The following TFDP2 variants were observed in gnomAD, a reference collection of about 807,000 sequenced individuals.
TFDP2 encodes the protein transcription factor Dp-2 (E2F dimerization partner 2).
In TFDP2, 17 loss-of-function variants were observed where a neutral mutation model predicts 59.3. The observed-to-expected ratio is 0.29, with a 90% CI of 0.20 to 0.43. The LOEUF is 0.43. Among genes scored for constraint, TFDP2 ranks in the 20% least tolerant of loss-of-function variants. The pLI, the probability that TFDP2 is intolerant of heterozygous loss-of-function variation, is 1.00. For synonymous variants in TFDP2, 180 were observed against 194.7 expected (o/e 0.92, Z 0.63); for missense variants, 391 against 528.8 (o/e 0.74, Z 2.56).
chr3:142,026,108 G>C (rs543318214), intron 3 of TFDP2, among the ~76,000 whole-genome samples: 1 of 152,230 alleles, frequency 6.6e-6, no homozygotes, highest in East Asian at 1.9e-4. Flanking sequence ...TCGGGAGATC[G>C]AGACCATCAG....
chr3:142,116,428 T>G (rs1422432869), intron 1 of TFDP2, among the ~76,000 whole-genome samples: 2 of 152,130 alleles, frequency 1.3e-5, no homozygotes, highest in Non-Finnish European at 2.9e-5. Context: ...GGCAGTTTCC[T>G]AGACAGAGGC....
In TFDP2 at chr3:142,149,463, C is replaced by A; in HGVS notation, c.-373G>T. Reference sequence around the variant, plus strand: ...GGCAGCGCCGCAGCCGAGATCGCTACCGATTTCGTCCGCCCTCTCCCTGCC... The same window carrying A: ...GGCAGCGCCGCAGCCGAGATCGCTAACGATTTCGTCCGCCCTCTCCCTGCC... On this transcript the variant is annotated 5_prime_UTR_variant, in exon 1 of 13. Transcript: ENST00000489671. The A allele has an allele frequency of 2.7e-6, 1 of 371,182 alleles. No individual in the cohort carries two copies. The highest frequency in any genetic ancestry group is 4.8e-6 in the Non-Finnish European group (1 of 208,934). 23.0% of individuals were successfully genotyped at this position (371,182 alleles called of 1,614,324 possible).
intron 8 of TFDP2, among the ~76,000 whole-genome samples, chr3:141,972,721 C>T (rs78527263): frequency 0.074 from 11,251 of 152,190 alleles, 516 homozygotes; most frequent in Non-Finnish European, 0.11. Context: ...ATCACATTTT[C>T]GGTAACTCTT....
intron 3 of TFDP2, among the ~76,000 whole-genome samples, chr3:142,061,887 T>TCG (rs1560101022): frequency 1.6e-5 from 1 of 63,938 alleles, no homozygotes; most frequent in East Asian, 4.4e-4. Context: ...TCTCTCTCTC[T>TCG]CTACACACAC....
At chr3:142,041,171 C>T (rs1328182345) in intron 3 of TFDP2, among the ~76,000 whole-genome samples, 1 of 152,188 alleles carries the variant, frequency 6.6e-6, no homozygotes, top group East Asian at 1.9e-4. Flanking sequence ...CTGACTTGTG[C>T]ATGGCTTCAA....
Position 141,946,041 on chromosome 3 carries a change from C to T in TFDP2, c.*6472G>A, listed in dbSNP as rs541473346. ...TCGGGAAAGGAGTCCCACTTCTACCCCTCAGCTGTTTGGCACTTGGTGACA... is the reference window on the plus strand; with the variant it reads ...TCGGGAAAGGAGTCCCACTTCTACCTCTCAGCTGTTTGGCACTTGGTGACA... On this transcript the variant is annotated 3_prime_UTR_variant, in exon 13 of 13. Coordinates refer to ENST00000489671, the MANE Select transcript of TFDP2 (RefSeq NM_001178139.2). 6.6e-6 allele frequency: 1 copy of T among 152,384 alleles called. No individual in the cohort carries two copies. The highest frequency in any genetic ancestry group is 6.5e-5 in the Admixed American group (1 of 15,300). 9.4% of individuals were successfully genotyped at this position (152,384 alleles called of 1,614,324 possible).
chr3:142,109,963 C>T (rs1026882351), intron 1 of TFDP2, among the ~76,000 whole-genome samples: 2 of 152,014 alleles, frequency 1.3e-5, no homozygotes, highest in Non-Finnish European at 2.9e-5. Context: ...CTGTAACCTC[C>T]GCCTCCCGAG....
chr3:142,009,785 C>T (rs1944509368), intron 3 of TFDP2, among the ~76,000 whole-genome samples: 1 of 150,706 alleles, frequency 6.6e-6, no homozygotes, highest in Admixed American at 6.6e-5. Flanking sequence ...AATAATTTCA[C>T]CTATACATGA....
At chr3:142,034,300 T>C (rs559252585) in intron 3 of TFDP2, among the ~76,000 whole-genome samples, 1 of 152,128 alleles carries the variant, frequency 6.6e-6, no homozygotes, top group South Asian at 2.1e-4. Context: ...CGTTTCTCCA[T>C]GTTGGTCAGG....
At chr3:142,036,119 G>GA (rs1231935800) in intron 3 of TFDP2, among the ~76,000 whole-genome samples, 1 of 151,688 alleles carries the variant, frequency 6.6e-6, no homozygotes, top group Admixed American at 6.6e-5. Context: ...TTCTGGATGG[G>GA]AAAAAAAATA....
chr3:141,959,647 A>G, intron 11 of TFDP2, 27 bp downstream of exon 11: 1 of 1,598,848 alleles, frequency 6.3e-7, no homozygotes, highest in South Asian at 1.1e-5. Context: ...AATCAGGGAC[A>G]ACACATGAAA....
intron 1 of TFDP2, among the ~76,000 whole-genome samples, chr3:142,143,976 C>T (rs112628544): frequency 6.6e-6 from 1 of 152,022 alleles, no homozygotes; most frequent in Admixed American, 6.6e-5. Context: ...GCACTGTTTA[C>T]AATAGCTAAG....
intron 6 of TFDP2, among the ~76,000 whole-genome samples, chr3:141,992,969 T>C (rs1475254505): frequency 6.6e-6 from 1 of 152,182 alleles, no homozygotes; most frequent in Non-Finnish European, 1.5e-5. Flanking sequence ...TATTCTAAGA[T>C]AACATGAACT....
At chr3:142,005,080 C>T (rs142625350) in intron 4 of TFDP2, among the ~76,000 whole-genome samples, 1 of 152,206 alleles carries the variant, frequency 6.6e-6, no homozygotes, top group Admixed American at 6.5e-5. Context: ...CAGGGTCTTG[C>T]TTTATCACCC....
chr3:142,144,676 G>A (rs1301632108), intron 1 of TFDP2, among the ~76,000 whole-genome samples: 1 of 152,002 alleles, frequency 6.6e-6, no homozygotes, highest in Non-Finnish European at 1.5e-5. Context: ...TGAGTACCTG[G>A]GACTATAGGC....
intron 1 of TFDP2, among the ~76,000 whole-genome samples, chr3:142,123,018 C>T (rs1158418142): frequency 4.6e-5 from 7 of 151,264 alleles, no homozygotes; most frequent in Non-Finnish European, 7.4e-5. Context: ...AGTGCAGTGG[C>T]GCGATCTCGG....
chr3:142,073,527 A>T (rs73232676), intron 3 of TFDP2, among the ~76,000 whole-genome samples: 1 of 146,558 alleles, frequency 6.8e-6, no homozygotes, highest in Non-Finnish European at 1.5e-5. Context: ...TAATTAATGG[A>T]AACAAAAGCC....
At chr3:142,125,477 T>G (rs911270998) in intron 1 of TFDP2, among the ~76,000 whole-genome samples, 1 of 152,084 alleles carries the variant, frequency 6.6e-6, no homozygotes, top group Admixed American at 6.6e-5. Context: ...TAGAGTCATA[T>G]GAAATCATAC....
intron 3 of TFDP2, among the ~76,000 whole-genome samples, chr3:142,022,838 T>C (rs887024397): frequency 6.6e-6 from 1 of 152,116 alleles, no homozygotes; most frequent in Non-Finnish European, 1.5e-5. Context: ...GCTGGGTTCC[T>C]GGGCCGGGCA....
Sources: gnomAD v4.1 joint callset for allele counts (sites outside exome capture counted in the v4.1 genomes callset) on GRCh38, gnomAD v4.1.1 for gene constraint, MANE v1.5 for transcripts, NCBI Gene and HGNC (gene_info 2026-07-23, HGNC 2026-07-21) for gene names.